COL24A1: variants seen among roughly 807,000 people sequenced by gnomAD.
COL24A1 encodes collagen type XXIV alpha 1 chain.
A neutral mutation model predicts 253.9 loss-of-function variants in COL24A1; 224 were observed. The observed-to-expected ratio is 0.88, with a 90% CI of 0.79 to 0.99. COL24A1 has a LOEUF of 0.99. Ranked by LOEUF, COL24A1 falls within the 50% of genes least tolerant of loss-of-function variation. The pLI is 0.00. For missense variants in COL24A1, 2,131 were observed against 2,068.5 expected (o/e 1.03, Z -0.59); for synonymous variants, 685 against 673.7 (o/e 1.02, Z -0.26).
chr1:85,771,731 G>A (rs966528158), intron 53 of COL24A1, among the ~76,000 whole-genome samples: 119 of 152,102 alleles, frequency 7.8e-4, no homozygotes, highest in African/African-American at 1.6e-3. Flanking sequence ...GTGTAAAAGC[G>A]TTCCTATTTC....
intron 17 of COL24A1, 25 bp downstream of exon 17, chr1:86,022,513 A>G (rs762048484): frequency 6.3e-6 from 10 of 1,582,984 alleles, no homozygotes; most frequent in Non-Finnish European, 3.5e-6. Flanking sequence ...TCATATTTAC[A>G]TAAAATTAAT....
intron 24 of COL24A1, among the ~76,000 whole-genome samples, chr1:85,925,977 G>C (rs1687151427): frequency 6.6e-6 from 1 of 151,896 alleles, no homozygotes; most frequent in Non-Finnish European, 1.5e-5. Context: ...AAATTTACAA[G>C]AAAAAAACAA....
chr1:85,779,001 T>G (rs924397666), intron 52 of COL24A1, among the ~76,000 whole-genome samples: 5 of 151,968 alleles, frequency 3.3e-5, no homozygotes, highest in African/African-American at 1.2e-4. Flanking sequence ...CAATTTTTCT[T>G]TCTTCTTTTT....
intron 37 of COL24A1, among the ~76,000 whole-genome samples, chr1:85,864,700 T>G (rs1332613165): frequency 6.6e-6 from 1 of 152,174 alleles, no homozygotes; most frequent in Non-Finnish European, 1.5e-5. Flanking sequence ...CTTTATTTCA[T>G]TTTATCTTCC....
rs184446396 is a variant in COL24A1, at chr1:85,926,676, G to A, written c.2563-15243C>T. On this transcript the variant is annotated intron_variant, in intron 24 of 59. Coordinates refer to ENST00000370571, the MANE Select transcript of COL24A1 (RefSeq NM_152890.7). ...ACACGGGGGCCTGTCATGGGGTGAGGGGCAGGGGGAGGGATAGAATTAGGA... is the reference window on the plus strand; with the variant it reads ...ACACGGGGGCCTGTCATGGGGTGAGAGGCAGGGGGAGGGATAGAATTAGGA... 1.1e-3 allele frequency among the ~76,000 whole-genome samples: 170 copies of A among 152,142 alleles called. 1 individual carries two copies. The highest frequency in any genetic ancestry group is 3.8e-3 in the African/African-American group (156 of 41,500).
At chr1:85,873,267 G>GAACC (rs758051974) in intron 35 of COL24A1, among the ~76,000 whole-genome samples, 30 of 152,130 alleles carry the variant, frequency 2.0e-4, no homozygotes, top group Non-Finnish European at 7.4e-5. Flanking sequence ...AACCATTGTG[G>GAACC]AAGACAGTGT....
chr1:86,042,767 G>A (rs1331225672), intron 12 of COL24A1, among the ~76,000 whole-genome samples: 2 of 152,118 alleles, frequency 1.3e-5, no homozygotes, highest in African/African-American at 4.8e-5. Context: ...AGCAGTATGA[G>A]CACGTGATTT....
chr1:86,121,571 CT>C, intron 3 of COL24A1, among the ~76,000 whole-genome samples: 1 of 152,010 alleles, frequency 6.6e-6, no homozygotes, highest in African/African-American at 2.4e-5. Flanking sequence ...AAAAGAAACT[CT>C]TTGATGAAAG....
chr1:85,944,533 G>A (rs1190011868), intron 24 of COL24A1, among the ~76,000 whole-genome samples: 1 of 151,952 alleles, frequency 6.6e-6, no homozygotes, highest in South Asian at 2.1e-4. Context: ...GATCATAGCC[G>A]AAATCCCTCA....
At chr1:86,103,182 T>C (rs1704628253) in intron 5 of COL24A1, among the ~76,000 whole-genome samples, 1 of 152,218 alleles carries the variant, frequency 6.6e-6, no homozygotes, top group Non-Finnish European at 1.5e-5. Context: ...GTCTGTTTTG[T>C]CCAAAATTGG....
intron 37 of COL24A1, among the ~76,000 whole-genome samples, chr1:85,853,205 A>G (rs313708): frequency 0.8 from 121,460 of 152,100 alleles, 48,849 homozygotes; most frequent in Non-Finnish European, 0.83. Flanking sequence ...TCCAACTTAA[A>G]GAGAACATGT....
intron 24 of COL24A1, among the ~76,000 whole-genome samples, chr1:85,917,006 G>A (rs945419922): frequency 6.6e-6 from 1 of 152,072 alleles, no homozygotes; most frequent in African/African-American, 2.4e-5. Context: ...TTATCAGTAT[G>A]GACACAGATT....
intron 35 of COL24A1, among the ~76,000 whole-genome samples, chr1:85,870,515 A>C (rs1680342409): frequency 6.6e-6 from 1 of 152,250 alleles, no homozygotes; most frequent in South Asian, 2.1e-4. Context: ...CCACAGTGCA[A>C]TCAAACTAGA....
chr1:85,994,934 T>C (rs976299142), intron 19 of COL24A1, among the ~76,000 whole-genome samples: 4 of 152,212 alleles, frequency 2.6e-5, no homozygotes, highest in Admixed American at 1.3e-4. Flanking sequence ...TTTTCCATCA[T>C]GATACTGCTG....
chr1:85,787,528 C>T (rs1343705306), intron 47 of COL24A1, among the ~76,000 whole-genome samples: 1 of 152,176 alleles, frequency 6.6e-6, no homozygotes, highest in Non-Finnish European at 1.5e-5. Flanking sequence ...TATATCCCTG[C>T]AAAGGACATG....
At chr1:86,152,057 G>T (rs181171760) in intron 1 of COL24A1, among the ~76,000 whole-genome samples, 2 of 152,184 alleles carry the variant, frequency 1.3e-5, no homozygotes, top group African/African-American at 2.4e-5. Context: ...TCGAGAAATA[G>T]TAAAATTTCT....
At chr1:85,861,994 CT>C (rs1679207339) in intron 37 of COL24A1, among the ~76,000 whole-genome samples, 2 of 152,170 alleles carry the variant, frequency 1.3e-5, no homozygotes, top group Middle Eastern at 6.8e-3. Flanking sequence ...TGATGGGTTC[CT>C]TTTTACTCTC....
In COL24A1 at chr1:86,022,618, T is replaced by C. The variant is rs748597236; in HGVS notation, c.2149-27A>G. ...TGGAAAGCACAATTTCATGCAAAGA[T>C]ACTTATGTATCACAAACATGGCAAT... On this transcript the variant is annotated intron_variant, in intron 16 of 59. Coordinates refer to ENST00000370571, the MANE Select transcript of COL24A1 (RefSeq NM_152890.7). 17 of 1,598,348 alleles carry C rather than the reference T, an allele frequency of 1.1e-5. 1 individual carries two copies. Among genetic ancestry groups the C allele is most frequent in the Middle Eastern group, 1.7e-4 (1 of 6,008 alleles).
At chr1:86,150,525 G>C (rs549435127) in intron 1 of COL24A1, among the ~76,000 whole-genome samples, 44 of 152,260 alleles carry the variant, frequency 2.9e-4, no homozygotes, top group African/African-American at 1.0e-3. Context: ...AAGGGAAATA[G>C]AATTTTTTAA....
Sources: allele counts gnomAD v4.1 joint callset (sites outside exome capture counted in the v4.1 genomes callset), GRCh38; gene constraint gnomAD v4.1.1; transcripts MANE v1.5; gene names NCBI Gene and HGNC (gene_info 2026-07-23, HGNC 2026-07-21).